Variants in DPP6 observed in about 807,000 individuals in gnomAD.
The protein encoded by DPP6 is dipeptidyl peptidase like 6.
A neutral mutation model predicts 122.6 loss-of-function variants in DPP6; 69 were observed. The ratio of observed to expected loss-of-function variants is 0.56; its 90% CI spans 0.46 to 0.69. The LOEUF is 0.69. Among genes scored for constraint, DPP6 ranks in the 30% least tolerant of loss-of-function variants. The pLI, the probability that DPP6 is intolerant of heterozygous loss-of-function variation, is 0.00. For synonymous variants in DPP6, 418 were observed against 433.1 expected, an observed-to-expected ratio of 0.97 and a Z score of 0.43; for missense variants, 928 against 1,116.9, an observed-to-expected ratio of 0.83 and a Z score of 2.41.
At position 154,210,986 on chromosome 7, in the gene DPP6, TG is replaced by T. The variant is rs1201315467; in HGVS notation, c.243+157924del. On this transcript the variant is annotated intron_variant, in intron 1 of 25. Coordinates refer to ENST00000377770, the MANE Select transcript of DPP6 (RefSeq NM_130797.4). ...CATAGAAAAAGAAACAGGCCTGGAG[TG>T]CCCTCTCAGTTAGTCGATAGTGGAG... is the stretch of plus-strand genomic sequence containing the variant. Among the ~76,000 whole-genome samples, 6 of 152,186 alleles carry T rather than the reference TG, an allele frequency of 3.9e-5. No homozygotes were observed. In the East Asian group the frequency reaches 7.7e-4, roughly 20 times the overall value.
chr7:154,848,580 T>C (rs1284099492), intron 16 of DPP6, among the ~76,000 whole-genome samples: 1 of 152,238 alleles, frequency 6.6e-6, no homozygotes, highest in Non-Finnish European at 1.5e-5. Flanking sequence ...ATGTGATATA[T>C]GATTTGCCAG....
chr7:154,010,205 T>G (rs1424268305), intron 1 of DPP6, among the ~76,000 whole-genome samples: 1 of 152,234 alleles, frequency 6.6e-6, no homozygotes, highest in Admixed American at 6.5e-5. Flanking sequence ...TCAGCTTAAC[T>G]TCTCCAAGGT....
intron 6 of DPP6, among the ~76,000 whole-genome samples, chr7:154,644,004 G>C (rs1275404979): frequency 1.3e-5 from 2 of 152,150 alleles, no homozygotes; most frequent in African/African-American, 2.4e-5. Context: ...GCTGCTGCTG[G>C]AGTGTTCACG....
intron 8 of DPP6, among the ~76,000 whole-genome samples, chr7:154,747,147 T>C (rs992626497): frequency 6.6e-6 from 1 of 152,224 alleles, no homozygotes; most frequent in Non-Finnish European, 1.5e-5. Flanking sequence ...CATCTCCCTA[T>C]CCAGTCTGCT....
At chr7:154,064,943 T>G (rs548225773) in intron 1 of DPP6, among the ~76,000 whole-genome samples, 4 of 152,256 alleles carry the variant, frequency 2.6e-5, no homozygotes, top group Admixed American at 6.5e-5. Context: ...CTGCAGACCT[T>G]GCAGCGTCTC....
the DPP6 span, among the ~76,000 whole-genome samples, chr7:153,820,293 T>C: frequency 6.6e-6 from 1 of 152,230 alleles, no homozygotes; most frequent in South Asian, 2.1e-4. Flanking sequence ...CTGTGTAAAA[T>C]TGATGGGTAC....
At chr7:154,385,311 C>T (rs1440099749) in intron 1 of DPP6, among the ~76,000 whole-genome samples, 4 of 152,102 alleles carry the variant, frequency 2.6e-5, no homozygotes, top group South Asian at 4.2e-4. Flanking sequence ...CACTTCACAG[C>T]GACACATGCT....
chr7:154,834,496 A>G (rs1273131397), intron 16 of DPP6, among the ~76,000 whole-genome samples: 1 of 151,588 alleles, frequency 6.6e-6, no homozygotes, highest in Non-Finnish European at 1.5e-5. Flanking sequence ...CAAAAACAAA[A>G]ACAAAAACAA....
intron 1 of DPP6, among the ~76,000 whole-genome samples, chr7:153,903,708 C>T (rs1258505691): frequency 6.6e-6 from 1 of 152,196 alleles, no homozygotes. Context: ...CTGGTCTCTA[C>T]TTGTGACTTT....
At chr7:154,878,190 C>A (rs1418500373) in intron 20 of DPP6, among the ~76,000 whole-genome samples, 1 of 152,236 alleles carries the variant, frequency 6.6e-6, no homozygotes, top group East Asian at 1.9e-4. Context: ...AGTCGCAGCA[C>A]CCTCAGGCTC....
chr7:154,114,680 A>G (rs1331614340), intron 1 of DPP6, among the ~76,000 whole-genome samples: 4 of 152,198 alleles, frequency 2.6e-5, no homozygotes. Flanking sequence ...GGTATAGAGC[A>G]TTGGGAGCTG....
intron 1 of DPP6, among the ~76,000 whole-genome samples, chr7:153,950,849 G>C (rs10239588): frequency 0.45 from 67,807 of 151,994 alleles, 15,452 homozygotes; most frequent in Admixed American, 0.53. Context: ...TCTAGGTCTG[G>C]AACATAGAGG....
intron 13 of DPP6, among the ~76,000 whole-genome samples, chr7:154,802,876 T>G (rs1231294233): frequency 6.6e-6 from 1 of 152,084 alleles, no homozygotes; most frequent in Non-Finnish European, 1.5e-5. Context: ...GCTTCAGTGT[T>G]TTCATTTGGC....
At chr7:153,891,539 A>G (rs561662164) in intron 1 of DPP6, among the ~76,000 whole-genome samples, 3 of 152,148 alleles carry the variant, frequency 2.0e-5, no homozygotes, top group African/African-American at 2.4e-5. Context: ...GCTGATGTGC[A>G]CTTTTTCAAC....
At chr7:154,075,937 A>G (rs1196829737) in intron 1 of DPP6, among the ~76,000 whole-genome samples, 1 of 151,746 alleles carries the variant, frequency 6.6e-6, no homozygotes, top group African/African-American at 2.4e-5. Flanking sequence ...TTTAAATTAA[A>G]TTCATAGGTG....
At chr7:153,861,232 CAT>C in the DPP6 span, among the ~76,000 whole-genome samples, 7 of 152,078 alleles carry the variant, frequency 4.6e-5, no homozygotes, top group African/African-American at 1.4e-4. Context: ...AAACCATAAA[CAT>C]ATTTATAATT....
At chr7:154,017,654 G>A (rs914383539) in intron 1 of DPP6, among the ~76,000 whole-genome samples, 63 of 149,332 alleles carry the variant, frequency 4.2e-4, no homozygotes, top group Non-Finnish European at 5.9e-4. Context: ...GAGCTATGAT[G>A]GCACCACTGC....
rs949584257 is a variant in DPP6, at chr7:154,486,220, G to A, written c.457+11183G>A. Among the ~76,000 whole-genome samples the A allele has an allele frequency of 3.3e-5, 5 of 151,518 alleles. No individual in the cohort carries two copies. The South Asian group carries it at 6.3e-4, about 19-fold the overall frequency. ...ACGATCTCAGCTCACTGCAACCTCC[G>A]CCTCCCTGATTCAAGCGATTCTTCC... On this transcript the variant is annotated intron_variant, in intron 3 of 25. Coordinates refer to ENST00000377770, the MANE Select transcript of DPP6 (RefSeq NM_130797.4). This position sits in a 1 kb window ranked among gnomAD's most constrained non-coding sequence, Gnocchi z 4.5.
chr7:154,458,685 T>G (rs945685775), intron 2 of DPP6, among the ~76,000 whole-genome samples: 7 of 152,222 alleles, frequency 4.6e-5, no homozygotes, highest in African/African-American at 1.7e-4. Flanking sequence ...GCATTGCCAC[T>G]TTTACGGTGG....
Sources: gnomAD v4.1 joint callset for allele counts (sites outside exome capture counted in the v4.1 genomes callset) on GRCh38, gnomAD v4.1.1 for gene constraint, Gnocchi (gnomAD v3.1) non-coding constraint, MANE v1.5 for transcripts, NCBI Gene and HGNC (gene_info 2026-07-23, HGNC 2026-07-21) for gene names.